CDH4: variants seen among roughly 807,000 people sequenced by gnomAD.
CDH4 encodes cadherin 4.
CDH4 carries 33 observed loss-of-function variants against 86.0 expected under a neutral mutation model. The ratio of observed to expected loss-of-function variants is 0.38; its 90% CI spans 0.29 to 0.51. CDH4 has a LOEUF of 0.51. Among genes scored for constraint, CDH4 ranks in the 20% least tolerant of loss-of-function variants. CDH4 has a pLI of 0.86. For missense variants in CDH4, 1,114 were observed against 1,307.4 expected (o/e 0.85, Z 2.28); for synonymous variants, 555 against 549.4 (o/e 1.01, Z -0.14).
intron 7 of CDH4, among the ~76,000 whole-genome samples, chr20:61,891,579 A>C (rs1984821159): frequency 6.6e-6 from 1 of 152,196 alleles, no homozygotes; most frequent in African/African-American, 2.4e-5. Flanking sequence ...CTTGAGGGAG[A>C]TCTCTCAGAA....
chr20:61,386,008 G>A (rs796786185), intron 2 of CDH4, among the ~76,000 whole-genome samples: 10 of 152,284 alleles, frequency 6.6e-5, no homozygotes, highest in African/African-American at 2.2e-4. Flanking sequence ...GCCTGGGGAC[G>A]CTCATGGATG....
rs79634759 is a variant in CDH4, at chr20:61,341,959, G to A, written c.169+87022G>A. On this transcript the variant is annotated intron_variant, in intron 2 of 15. Transcript: ENST00000614565. ...GGAGCATGGAATGCGGAGGAAGCTG[G>A]TTGTTTAATCTGGGATTCTGGAACT... Among the ~76,000 whole-genome samples, 15 of 152,298 alleles carry A rather than the reference G, an allele frequency of 9.8e-5. No individual in the cohort carries two copies. In the East Asian group the frequency reaches 2.9e-3, roughly 30 times the overall value.
chr20:61,787,679 C>G (rs1349041587), intron 4 of CDH4, among the ~76,000 whole-genome samples: 1 of 152,186 alleles, frequency 6.6e-6, no homozygotes, highest in Non-Finnish European at 1.5e-5. Flanking sequence ...ATAAGTAACT[C>G]TTAGTTACAG....
chr20:61,628,298 C>T (rs549306280), intron 2 of CDH4, among the ~76,000 whole-genome samples: 26 of 152,194 alleles, frequency 1.7e-4, no homozygotes, highest in Admixed American at 9.2e-4. Flanking sequence ...TCCTCACTGC[C>T]GCCCCCACCC....
At position 61,680,000 on chromosome 20, in the gene CDH4, C is replaced by G. The variant is rs531250401; in HGVS notation, c.170-63563C>G. Reference sequence around the variant, plus strand: ...CCTCGTACCCGAGTGAAGCTTGCAGCCCCCAGGAAGCTGAGGAGCCTGTCC... The same window carrying G: ...CCTCGTACCCGAGTGAAGCTTGCAGGCCCCAGGAAGCTGAGGAGCCTGTCC... On this transcript the variant is annotated intron_variant, in intron 2 of 15. Transcript: ENST00000614565. 1.9e-4 allele frequency among the ~76,000 whole-genome samples: 29 copies of G among 152,290 alleles called. No individual in the cohort carries two copies. The East Asian group carries it at 2.9e-3, about 15-fold the overall frequency.
At chr20:61,924,253 G>GT in intron 10 of CDH4, 81 bp from the exon 11 acceptor site, 1 of 1,400,998 alleles carries the variant, frequency 7.1e-7, no homozygotes, top group African/African-American at 1.4e-5. Flanking sequence ...GGCCCTGGAG[G>GT]TGTGGCCAAG....
At chr20:61,336,748 A>C (rs1414451512) in intron 2 of CDH4, among the ~76,000 whole-genome samples, 1 of 152,210 alleles carries the variant, frequency 6.6e-6, no homozygotes, top group Non-Finnish European at 1.5e-5. Context: ...AATCAGTTGA[A>C]GGTAAGAGTC....
chr20:61,671,321 G>C (rs1486632163), intron 2 of CDH4, among the ~76,000 whole-genome samples: 1 of 152,142 alleles, frequency 6.6e-6, no homozygotes, highest in East Asian at 1.9e-4. Flanking sequence ...GAAAGATCCT[G>C]TCTCTACAAA....
intron 2 of CDH4, among the ~76,000 whole-genome samples, chr20:61,471,383 T>A (rs1447857225): frequency 6.6e-6 from 1 of 152,088 alleles, no homozygotes; most frequent in Non-Finnish European, 1.5e-5. Flanking sequence ...TCTTTTTTCA[T>A]CTCTGATTGT....
intron 2 of CDH4, among the ~76,000 whole-genome samples, chr20:61,282,874 G>A (rs574322353): frequency 2.0e-5 from 3 of 152,192 alleles, no homozygotes; most frequent in African/African-American, 7.2e-5. Flanking sequence ...TGTGGTGTGT[G>A]TGATGTACGT....
Position 61,516,868 on chromosome 20 carries a change from C to T in CDH4, c.170-226695C>T, listed in dbSNP as rs2145620950. 6.6e-6 allele frequency among the ~76,000 whole-genome samples: 1 copy of T among 152,344 alleles called. No individual in the cohort carries two copies. The highest frequency in any genetic ancestry group is 1.5e-5 in the Non-Finnish European group (1 of 68,024). ...GCTCCCCTACTCCCTGGCTCCTCGTCCTAGCAAGGAGCTCCAGGCACCCTC... is the reference window on the plus strand; with the variant it reads ...GCTCCCCTACTCCCTGGCTCCTCGTTCTAGCAAGGAGCTCCAGGCACCCTC... On this transcript the variant is annotated intron_variant, in intron 2 of 15. Transcript: ENST00000614565. This position sits in a 1 kb window ranked among gnomAD's most constrained non-coding sequence, Gnocchi z 4.0.
chr20:61,294,969 G>C (rs1005363747), intron 2 of CDH4, among the ~76,000 whole-genome samples: 3 of 152,380 alleles, frequency 2.0e-5, no homozygotes, highest in South Asian at 2.1e-4. Flanking sequence ...CGGCTGTGGA[G>C]CTGTTGAGGA....
intron 2 of CDH4, among the ~76,000 whole-genome samples, chr20:61,258,582 G>A (rs1473122607): frequency 1.3e-5 from 2 of 152,120 alleles, no homozygotes; most frequent in African/African-American, 4.8e-5. Flanking sequence ...ATCATTTCAG[G>A]ATGTTCTTGG....
chr20:61,875,948 A>T (rs964967975), intron 7 of CDH4, among the ~76,000 whole-genome samples: 30 of 152,248 alleles, frequency 2.0e-4, no homozygotes, highest in African/African-American at 7.2e-4. Context: ...ACACACACAC[A>T]CACACACACC....
chr20:61,299,053 C>T (rs948222787), intron 2 of CDH4, among the ~76,000 whole-genome samples: 5 of 151,974 alleles, frequency 3.3e-5, no homozygotes, highest in Admixed American at 1.3e-4. Context: ...AGAACCTGTG[C>T]GCGTGATCAT....
chr20:61,327,658 AT>A (rs1488493319), intron 2 of CDH4, among the ~76,000 whole-genome samples: 1 of 152,168 alleles, frequency 6.6e-6, no homozygotes, highest in Non-Finnish European at 1.5e-5. Flanking sequence ...CAAATTGCAC[AT>A]TTTGGATGGT....
At chr20:61,423,158 C>T (rs575451807) in intron 2 of CDH4, among the ~76,000 whole-genome samples, 2 of 152,250 alleles carry the variant, frequency 1.3e-5, no homozygotes, top group East Asian at 3.9e-4. Context: ...ATGGGGGAAG[C>T]AAGGACCCCC....
chr20:61,530,192 C>G (rs146517436), intron 2 of CDH4, among the ~76,000 whole-genome samples: 3 of 152,056 alleles, frequency 2.0e-5, no homozygotes, highest in Non-Finnish European at 2.9e-5. Context: ...ACCCCACACC[C>G]GGCTAATTTT....
At chr20:61,917,641 C>T (rs2054918664) in intron 9 of CDH4, among the ~76,000 whole-genome samples, 1 of 152,164 alleles carries the variant, frequency 6.6e-6, no homozygotes, top group Non-Finnish European at 1.5e-5. Context: ...GTGTCCCCAC[C>T]TGGTCCTGCC....
Sources: allele counts gnomAD v4.1 joint callset (sites outside exome capture counted in the v4.1 genomes callset), GRCh38; gene constraint gnomAD v4.1.1; non-coding constraint Gnocchi (gnomAD v3.1); transcripts MANE v1.5; gene names NCBI Gene and HGNC (gene_info 2026-07-23, HGNC 2026-07-21).